RPA1: variants seen among roughly 807,000 people sequenced by gnomAD.
RPA1 encodes the protein replication protein A 70 kDa DNA-binding subunit.
In RPA1, 49 loss-of-function variants were observed where a neutral mutation model predicts 83.0. That is an observed-to-expected ratio of 0.59 (90% CI 0.47 to 0.75). RPA1 has a LOEUF of 0.75. Ranked by LOEUF, RPA1 falls within the 30% of genes least tolerant of loss-of-function variation. RPA1 has a pLI of 0.00. For synonymous variants in RPA1, 279 were observed against 281.8 expected (o/e 0.99, Z 0.10); for missense variants, 693 against 776.1 (o/e 0.89, Z 1.27).
intron 5 of RPA1, among the ~76,000 whole-genome samples, chr17:1,855,358 TG>T (rs1472675724): frequency 0.19 from 28,224 of 148,588 alleles, 2,860 homozygotes; most frequent in East Asian, 0.36. Context: ...TGTGTGTGTG[TG>T]TGTGTGTTTA....
intron 4 of RPA1, among the ~76,000 whole-genome samples, chr17:1,848,283 G>C (rs1189323974): frequency 6.6e-6 from 1 of 152,034 alleles, no homozygotes; most frequent in Non-Finnish European, 1.5e-5. Context: ...TTGCCATTAA[G>C]CTTGTCAACA....
At chr17:1,889,345 T>TC (rs1019641572) in intron 14 of RPA1, among the ~76,000 whole-genome samples, 6 of 151,690 alleles carry the variant, frequency 4.0e-5, no homozygotes, top group African/African-American at 1.5e-4. Flanking sequence ...ATTTTTTTTT[T>TC]TTTTTAAGAA....
At chr17:1,830,215 C>T in intron 1 of RPA1, 89 bp downstream of exon 1, 4 of 903,316 alleles carry the variant, frequency 4.4e-6, no homozygotes, top group Non-Finnish European at 5.6e-6. Flanking sequence ...GAGCCCGGGG[C>T]GACGGGGGAT....
chr17:1,867,721 T>A (rs1913232403), intron 5 of RPA1, among the ~76,000 whole-genome samples: 1 of 149,090 alleles, frequency 6.7e-6, no homozygotes, highest in Non-Finnish European at 1.5e-5. Context: ...AAAAAAAAAA[T>A]TAAAAAGAAA....
intron 6 of RPA1, among the ~76,000 whole-genome samples, chr17:1,872,754 C>T (rs867629732): frequency 6.8e-5 from 9 of 132,410 alleles, no homozygotes; most frequent in African/African-American, 2.3e-4. Flanking sequence ...GCTCTGTCAG[C>T]GGGGCTGGAG....
At chr17:1,853,239 A>C in intron 5 of RPA1, 50 bp downstream of exon 5, 1 of 1,348,768 alleles carries the variant, frequency 7.4e-7, no homozygotes, top group Non-Finnish European at 1.1e-6. Context: ...ACCTCTTTAT[A>C]TATTCGGAGT....
chr17:1,858,550 G>A (rs1489976611), intron 5 of RPA1: 8 of 683,082 alleles, frequency 1.2e-5, no homozygotes, highest in Admixed American at 2.4e-5. Flanking sequence ...TGCAGCCTCC[G>A]CCTCCCGGGT....
intron 5 of RPA1, among the ~76,000 whole-genome samples, chr17:1,855,397 C>T (rs757858540): frequency 6.6e-6 from 1 of 151,806 alleles, no homozygotes; most frequent in Non-Finnish European, 1.5e-5. Context: ...CCATGTTGGC[C>T]AGGCTGGTCT....
intron 1 of RPA1, among the ~76,000 whole-genome samples, chr17:1,831,808 C>T (rs1464526337): frequency 6.6e-6 from 1 of 151,540 alleles, no homozygotes; most frequent in Non-Finnish European, 1.5e-5. Flanking sequence ...ACCGTGTTAG[C>T]CAGGATGGTC....
At chr17:1,895,684 T>TATTC in intron 16 of RPA1, among the ~76,000 whole-genome samples, 1 of 150,338 alleles carries the variant, frequency 6.7e-6, no homozygotes, top group South Asian at 2.1e-4. Flanking sequence ...TTTATTTATT[T>TATTC]ATTTATTTAT....
intron 5 of RPA1, among the ~76,000 whole-genome samples, chr17:1,859,999 G>C (rs781445148): frequency 6.6e-6 from 1 of 152,178 alleles, no homozygotes; most frequent in Admixed American, 6.6e-5. Flanking sequence ...TTTTAGTAGA[G>C]ATAGGGTTTC....
chr17:1,831,621 T>C (rs1215963764), intron 1 of RPA1, among the ~76,000 whole-genome samples: 6 of 150,364 alleles, frequency 4.0e-5, no homozygotes, highest in Non-Finnish European at 7.4e-5. Context: ...TTTTTTGAGC[T>C]GGAATCTTGC....
intron 1 of RPA1, among the ~76,000 whole-genome samples, chr17:1,835,766 T>C (rs1414633192): frequency 6.6e-6 from 1 of 152,174 alleles, no homozygotes; most frequent in African/African-American, 2.4e-5. Flanking sequence ...ATAATGCACA[T>C]TTTTCGTGTA....
chr17:1,882,526 A>G (rs1913833779), intron 12 of RPA1, among the ~76,000 whole-genome samples: 1 of 151,936 alleles, frequency 6.6e-6, no homozygotes, highest in Non-Finnish European at 1.5e-5. Context: ...CTGTAGTCCC[A>G]GCTACTCGGT....
chr17:1,879,690 G>A lies in RPA1; in HGVS notation c.1083G>A (p.Trp361Ter). Residue 361 changes from tryptophan to a stop codon, truncating the protein, a stop_gained, in exon 11 of 17, where the codon TGG becomes TGA. Transcript: ENST00000254719. LOFTEE classifies it high-confidence loss of function. Reference sequence around the variant, plus strand: ...GGAAGGTGGTGACTGCTACACTGTGGGGGGAAGATGTAAGTGCTGGGATGG... The same window carrying A: ...GGAAGGTGGTGACTGCTACACTGTGAGGGGAAGATGTAAGTGCTGGGATGG... ...TSGKVVTATL[W>*]GEDADKFDGS... The A allele has an allele frequency of 1.9e-6, 3 of 1,614,190 alleles. No homozygotes were observed. The highest frequency in any genetic ancestry group is 2.5e-6 in the Non-Finnish European group (3 of 1,180,030).
At chr17:1,879,150 C>A in intron 9 of RPA1, 65 bp from the exon 10 acceptor site, 1 of 1,608,244 alleles carries the variant, frequency 6.2e-7, no homozygotes, top group Non-Finnish European at 8.5e-7. Context: ...TGTGTGGTGG[C>A]AGACTAGGGG....
At chr17:1,834,075 G>C (rs1052997023) in intron 1 of RPA1, among the ~76,000 whole-genome samples, 1 of 152,128 alleles carries the variant, frequency 6.6e-6, no homozygotes, top group Non-Finnish European at 1.5e-5. Context: ...TGCTGCTTGA[G>C]AGCCTGAGGC....
chr17:1,856,105 C>A (rs1357304872), intron 5 of RPA1, among the ~76,000 whole-genome samples: 5 of 152,114 alleles, frequency 3.3e-5, no homozygotes, highest in African/African-American at 9.7e-5. Flanking sequence ...AAGCCGATCG[C>A]TTGCGCTTGG....
In RPA1 at chr17:1,897,232, C is replaced by A; in HGVS notation, c.*57C>A. The A allele has an allele frequency of 2.3e-6, 3 of 1,296,302 alleles. No individual in the cohort carries two copies. The highest frequency in any genetic ancestry group is 1.4e-5 in the South Asian group (1 of 71,832). The allele number at this position is 1,296,302 out of a possible 1,614,324, so 80.3% of individuals were successfully genotyped here. On this transcript the variant is annotated 3_prime_UTR_variant, in exon 17 of 17. Transcript: ENST00000254719. The stretch of plus-strand genomic sequence containing the variant: ...AAATAGGCAGAATGGAATCGATTTC[C>A]TCCCACCTCCGTGTGACGATCCCAT...
Sources: allele counts gnomAD v4.1 joint callset (sites outside exome capture counted in the v4.1 genomes callset), GRCh38; gene constraint gnomAD v4.1.1; transcripts MANE v1.5; gene names NCBI Gene and HGNC (gene_info 2026-07-23, HGNC 2026-07-21).